The following ZBTB11 variants were observed in gnomAD, a reference collection of about 807,000 sequenced individuals.
ZBTB11 encodes zinc finger and BTB domain containing 11.
ZBTB11 carries 68 observed loss-of-function variants against 113.1 expected under a neutral mutation model. That is an observed-to-expected ratio of 0.60 (90% CI 0.49 to 0.74). The LOEUF (loss-of-function observed/expected upper bound fraction) is 0.74. ZBTB11 is among the 30% of genes least tolerant of loss of function. ZBTB11 has a pLI of 0.00. For missense variants in ZBTB11, 1,104 were observed against 1,279.4 expected, an observed-to-expected ratio of 0.86 and a Z score of 2.09; for synonymous variants, 518 against 452.6, an observed-to-expected ratio of 1.14 and a Z score of -1.83.
At chr3:101,670,111 A>G (rs1299405381) in intron 3 of ZBTB11, among the ~76,000 whole-genome samples, 1 of 152,184 alleles carries the variant, frequency 6.6e-6, no homozygotes, top group Non-Finnish European at 1.5e-5. Context: ...TACAGGCAGG[A>G]GCCACTGCGC....
chr3:101,663,525 T>C (rs1357066420), intron 5 of ZBTB11, among the ~76,000 whole-genome samples: 2 of 152,214 alleles, frequency 1.3e-5, no homozygotes, highest in African/African-American at 4.8e-5. Flanking sequence ...AGCTGTCTTT[T>C]GTTACTGGGC....
At chr3:101,661,205 G>C (rs1936880378) in intron 5 of ZBTB11, among the ~76,000 whole-genome samples, 1 of 143,476 alleles carries the variant, frequency 7.0e-6, no homozygotes, top group African/African-American at 2.6e-5. Flanking sequence ...CTGCACTCCA[G>C]CCTGGGATAC....
intron 7 of ZBTB11, 142 bp from the exon 8 acceptor site, chr3:101,654,963 C>T: frequency 1.7e-6 from 1 of 591,158 alleles, no homozygotes; most frequent in South Asian, 2.2e-5. Flanking sequence ...TCGCAAACTC[C>T]ACCTCCCAGG....
At chr3:101,675,740 TAC>T (rs998001787) in intron 1 of ZBTB11, among the ~76,000 whole-genome samples, 2 of 152,224 alleles carry the variant, frequency 1.3e-5, no homozygotes, top group Non-Finnish European at 2.9e-5. Context: ...TATACAATGC[TAC>T]ACAGTTCCCA....
At chr3:101,652,191 A>G (rs1165321416) in intron 10 of ZBTB11, among the ~76,000 whole-genome samples, 5 of 152,190 alleles carry the variant, frequency 3.3e-5, no homozygotes, top group African/African-American at 9.6e-5. Flanking sequence ...TCCTGCGGAC[A>G]GATGTGATTG....
At chr3:101,657,147 AAAAAAAAAAC>A (rs1233440241) in intron 6 of ZBTB11, among the ~76,000 whole-genome samples, 1 of 150,870 alleles carries the variant, frequency 6.6e-6, no homozygotes, top group African/African-American at 2.4e-5. Flanking sequence ...TCTCAAAAAA[AAAAAAAAAAC>A]AAAAAACCCA....
chr3:101,652,825 T>C lies in ZBTB11; in HGVS notation c.2423A>G (p.Asp808Gly), dbSNP rs1198619918. 6.2e-7 allele frequency: 1 copy of C among 1,614,068 alleles called. No individual in the cohort carries two copies. Among genetic ancestry groups the C allele is most frequent in the Admixed American group, 1.7e-5 (1 of 59,998 alleles). Residue 808 changes from aspartate to glycine, a missense_variant, in exon 9 of 11, where the codon GAT becomes GGT. Physicochemically the swap from Asp to Gly is moderately conservative, Grantham distance 94 (BLOSUM62 -1). Coordinates refer to ENST00000312938, the MANE Select transcript of ZBTB11 (RefSeq NM_014415.4). ...FCDKCYSWKKDWYSHVKSHSV... is the reference protein window; with the variant it reads ...FCDKCYSWKKGWYSHVKSHSV... ...ATGAGACTTCACATGGGAATACCAA[T>C]CTTTCTTCCAACTATAGCACTTATC...
chr3:101,676,590 C>T lies in ZBTB11; in HGVS notation c.310+15G>A, dbSNP rs770730452. 217 of 1,470,782 alleles carry T rather than the reference C, an allele frequency of 1.5e-4. No homozygotes were observed. Among genetic ancestry groups the T allele is most frequent in the Admixed American group, 4.8e-4 (18 of 37,590 alleles). The allele number at this position is 1,470,782 out of a possible 1,614,324, so 91.1% of individuals were successfully genotyped here. A position where few individuals can be genotyped will look rare whatever the true frequency, so the allele number is the denominator to read the frequency against. ...GAGTCGCCAGCCCGCCCCCTCGCCG[C>T]GGGCTAGGTCTCACCTCGCCACCAG... On this transcript the variant is annotated intron_variant, in intron 1 of 10. Coordinates refer to ENST00000312938, the MANE Select transcript of ZBTB11 (RefSeq NM_014415.4).
intron 3 of ZBTB11, among the ~76,000 whole-genome samples, chr3:101,668,901 CA>C (rs1559987664): frequency 1.3e-5 from 2 of 151,252 alleles, no homozygotes; most frequent in Non-Finnish European, 2.9e-5. Context: ...TTTTTTTTTA[CA>C]ATTTGAAAAC....
At chr3:101,654,880 ATT>A in intron 7 of ZBTB11, 59 bp from the exon 8 acceptor site, 226 of 1,176,986 alleles carry the variant, frequency 1.9e-4, no homozygotes, top group South Asian at 2.1e-4. Flanking sequence ...TTTTAACAGA[ATT>A]TTTTTTTTTT....
intron 5 of ZBTB11, among the ~76,000 whole-genome samples, chr3:101,664,255 G>A (rs1161592552): frequency 1.3e-5 from 2 of 152,136 alleles, no homozygotes; most frequent in African/African-American, 4.8e-5. Flanking sequence ...TTTGTATCCA[G>A]AATTTAGTTG....
chr3:101,677,070 A>G lies in ZBTB11; in HGVS notation c.-156T>C. The G allele has an allele frequency of 3.6e-6, 3 of 832,970 alleles. No homozygotes were observed. The highest frequency in any genetic ancestry group is 5.3e-6 in the Non-Finnish European group (3 of 568,980). The allele number at this position is 832,970 out of a possible 1,614,324, so 51.6% of individuals were successfully genotyped here. A position where few individuals can be genotyped will look rare whatever the true frequency, so the allele number is the denominator to read the frequency against. ...GACGGCTCCCTTAGTCCGAAGGAAA[A>G]GCGGGCGAGTTGGTAACCAGGGGGA... On this transcript the variant is annotated 5_prime_UTR_variant, in exon 1 of 11. Transcript: ENST00000312938.
At chr3:101,668,169 TAGAG>T in intron 3 of ZBTB11, among the ~76,000 whole-genome samples, 1 of 149,318 alleles carries the variant, frequency 6.7e-6, no homozygotes, top group Non-Finnish European at 1.5e-5. Flanking sequence ...ATCATACAAG[TAGAG>T]AGAAGAGCTA....
intron 6 of ZBTB11, among the ~76,000 whole-genome samples, chr3:101,657,157 C>A (rs61693327): frequency 0.07 from 8,032 of 115,378 alleles, 759 homozygotes; most frequent in African/African-American, 0.22. Flanking sequence ...AAAAAAAAAA[C>A]AAAAAACCCA....
chr3:101,652,059 G>A (rs529508968), intron 10 of ZBTB11, among the ~76,000 whole-genome samples: 1 of 152,172 alleles, frequency 6.6e-6, no homozygotes, highest in South Asian at 2.1e-4. Flanking sequence ...AACCTGGGAG[G>A]CAGAGGTTGC....
Position 101,676,902 on chromosome 3 carries a change from C to A in ZBTB11, c.13G>T (p.Glu5Ter). ...TAACGCAGGATGGCCCGGTAGCTTTCCTCGCTTGACATCGCGGACCGCGGC... is the reference window on the plus strand; with the variant it reads ...TAACGCAGGATGGCCCGGTAGCTTTACTCGCTTGACATCGCGGACCGCGGC... MSSE[E>*]SYRAILRYLT... is the part of the protein sequence containing the mutation. The change falls in exon 1 of 11, where the codon GAA becomes TAA. Residue 5 changes from glutamate to a stop codon, truncating the protein, a stop_gained. Coordinates refer to ENST00000312938, the MANE Select transcript of ZBTB11 (RefSeq NM_014415.4). LOFTEE classifies it high-confidence loss of function. 6.4e-7 allele frequency: 1 copy of A among 1,574,084 alleles called. No homozygotes were observed. The highest frequency in any genetic ancestry group is 8.7e-7 in the Non-Finnish European group (1 of 1,155,452).
intron 5 of ZBTB11, among the ~76,000 whole-genome samples, chr3:101,662,480 C>T (rs530258819): frequency 1.7e-3 from 262 of 152,130 alleles, no homozygotes; most frequent in African/African-American, 5.7e-3. Context: ...CAAAATTAGC[C>T]GGGTATGGTG....
chr3:101,674,271 G>A (rs1937127051), intron 1 of ZBTB11, among the ~76,000 whole-genome samples: 1 of 152,058 alleles, frequency 6.6e-6, no homozygotes, highest in Non-Finnish European at 1.5e-5. Context: ...AGCCGAGATC[G>A]CGCCACTGTG....
chr3:101,676,565 G>C (rs753686214), intron 1 of ZBTB11, 40 bp downstream of exon 1: 3 of 1,447,466 alleles, frequency 2.1e-6, no homozygotes, highest in South Asian at 1.5e-5. Context: ...CCCAGGCAAC[G>C]AGTCGCCAGC....
Sources: gnomAD v4.1 joint callset for allele counts (sites outside exome capture counted in the v4.1 genomes callset) on GRCh38, gnomAD v4.1.1 for gene constraint, MANE v1.5 for transcripts, NCBI Gene and HGNC (gene_info 2026-07-23, HGNC 2026-07-21) for gene names.